The following GPALPP1 variants were observed in gnomAD, a reference collection of about 807,000 sequenced individuals.
GPALPP1 encodes the protein GPALPP motifs-containing protein 1.
GPALPP1 carries 30 observed loss-of-function variants against 38.9 expected under a neutral mutation model. The ratio of observed to expected loss-of-function variants is 0.77; its 90% CI spans 0.58 to 1.05. The LOEUF (loss-of-function observed/expected upper bound fraction) is 1.05. Ranked by LOEUF, GPALPP1 falls within the 50% of genes least tolerant of loss-of-function variation. The pLI is 0.00. For synonymous variants in GPALPP1, 120 were observed against 139.2 expected (o/e 0.86, Z 0.97); for missense variants, 384 against 408.8 (o/e 0.94, Z 0.52).
chr13:45,037,651 CA>C (rs1876430466), exon 8 of GPALPP1: 2 of 152,174 alleles, frequency 1.3e-5, no homozygotes. Flanking sequence ...GACAGTTTAT[CA>C]ATAAAGATTT....
At position 45,004,429 on chromosome 13, in the gene GPALPP1, A is replaced by C. The variant is rs1437980522; in HGVS notation, c.213A>C (p.Pro71=). The C allele has an allele frequency of 6.2e-6, 10 of 1,609,292 alleles. No homozygotes were observed. The Admixed American group carries it at 1.5e-4, about 24-fold the overall frequency. Residue 71 remains proline, a synonymous_variant, in exon 2 of 8, where the codon CCA becomes CCC. Transcript: ENST00000379151. ...NQESEEDDSG[P]TARKQRKNQD... Reference sequence around the variant, plus strand: ...AATCTGAAGAAGATGACAGTGGTCCAACTGCAAGGTCAGTCATTTAATTAA... The same window carrying C: ...AATCTGAAGAAGATGACAGTGGTCCCACTGCAAGGTCAGTCATTTAATTAA...
At chr13:45,010,461 G>A (rs979116855) in intron 4 of GPALPP1, among the ~76,000 whole-genome samples, 17 of 151,872 alleles carry the variant, frequency 1.1e-4, no homozygotes, top group African/African-American at 4.1e-4. Context: ...CTAGAATGTG[G>A]CTCCATAATA....
intron 1 of GPALPP1, chr13:44,989,970 C>G (rs1370383478): frequency 5.1e-6 from 3 of 589,226 alleles, no homozygotes; most frequent in East Asian, 5.6e-5. Context: ...ATAATACATT[C>G]TCATTTAGCC....
At chr13:45,011,106 G>T (rs1566078336) in intron 4 of GPALPP1, among the ~76,000 whole-genome samples, 1 of 152,244 alleles carries the variant, frequency 6.6e-6, no homozygotes, top group African/African-American at 2.4e-5. Context: ...AGAGAGAGCA[G>T]ATGGTTTATT....
Position 44,989,677 on chromosome 13 carries a change from C to T in GPALPP1, c.23C>T (p.Pro8Leu), listed in dbSNP as rs755545201. MARDLIGPALPPGFKARG... is the reference protein window; with the variant it reads MARDLIGLALPPGFKARG... Reference sequence around the variant, plus strand: ...CGGATGGCAAGAGACCTGATCGGACCGGCCCTGCCGCCCGGCTTCAAGGCC... The same window carrying T: ...CGGATGGCAAGAGACCTGATCGGACTGGCCCTGCCGCCCGGCTTCAAGGCC... The change falls in exon 1 of 8, where the codon CCG (proline) becomes CTG (leucine). Residue 8 changes from proline (P) to leucine (L), a missense_variant. By Grantham distance (98) the Pro-to-Leu change is moderately conservative (BLOSUM62 -3). Transcript: ENST00000379151. The T allele has an allele frequency of 5.6e-6, 9 of 1,612,534 alleles. No homozygotes were observed. The highest frequency in any genetic ancestry group is 6.8e-6 in the Non-Finnish European group (8 of 1,179,802).
At chr13:45,019,604 CTT>C (rs751928407) in intron 6 of GPALPP1, among the ~76,000 whole-genome samples, 28 of 126,596 alleles carry the variant, frequency 2.2e-4, no homozygotes, top group African/African-American at 6.8e-4. Context: ...CACAATTTTT[CTT>C]TTTTTTTTTT....
At chr13:45,024,899 G>A (rs1875729599) in intron 7 of GPALPP1, among the ~76,000 whole-genome samples, 1 of 152,088 alleles carries the variant, frequency 6.6e-6, no homozygotes, top group Admixed American at 6.6e-5. Flanking sequence ...CCAGCCTGGT[G>A]ACAGAGCAAG....
At chr13:44,997,495 C>T (rs377549350) in intron 1 of GPALPP1, among the ~76,000 whole-genome samples, 125 of 152,116 alleles carry the variant, frequency 8.2e-4, no homozygotes, top group South Asian at 6.8e-3. Flanking sequence ...TCTGCAGTGA[C>T]CTTCACCTCC....
At position 45,015,496 on chromosome 13, in the gene GPALPP1, T is replaced by A; in HGVS notation, c.605T>A (p.Phe202Tyr). Residue 202 changes from phenylalanine (F) to tyrosine (Y), a missense_variant, in exon 6 of 8, where the codon TTT (phenylalanine) becomes TAT (tyrosine). Phe to Tyr is a conservative substitution (Grantham distance 22). Coordinates refer to ENST00000379151, the MANE Select transcript of GPALPP1 (RefSeq NM_018559.5). The stretch of plus-strand genomic sequence containing the variant: ...GAACTTCCTCCAGAAATGAAAGACT[T>A]TGGTCTTGGGCCAAGGACTTTTAAG... ...MTELPPEMKD[F>Y]GLGPRTFKRR... is the part of the protein sequence containing the mutation. 6.2e-7 allele frequency: 1 copy of A among 1,609,894 alleles called. No individual in the cohort carries two copies. The highest frequency in any genetic ancestry group is 8.5e-7 in the Non-Finnish European group (1 of 1,177,638).
At chr13:45,021,260 A>G (rs1226991000) in intron 7 of GPALPP1, among the ~76,000 whole-genome samples, 1 of 152,242 alleles carries the variant, frequency 6.6e-6, no homozygotes, top group Non-Finnish European at 1.5e-5. Flanking sequence ...GTATTAAAGA[A>G]AATTCCATAA....
chr13:45,020,636 G>A (rs190937477), intron 7 of GPALPP1, among the ~76,000 whole-genome samples: 2,488 of 143,938 alleles, frequency 0.017, 35 homozygotes, highest in Non-Finnish European at 0.026. Context: ...CCTGCCTAAT[G>A]TCTCAAAAAA....
At chr13:44,999,628 G>A (rs958050376) in intron 1 of GPALPP1, among the ~76,000 whole-genome samples, 8 of 152,106 alleles carry the variant, frequency 5.3e-5, no homozygotes, top group African/African-American at 1.9e-4. Context: ...TCACCAGACT[G>A]GAGTGCAGTG....
At chr13:45,003,792 G>A (rs1873860388) in intron 1 of GPALPP1, among the ~76,000 whole-genome samples, 1 of 151,812 alleles carries the variant, frequency 6.6e-6, no homozygotes, top group Non-Finnish European at 1.5e-5. Flanking sequence ...AAAACTTAGA[G>A]TGACTCTAAT....
intron 1 of GPALPP1, among the ~76,000 whole-genome samples, chr13:45,001,183 A>T (rs909727221): frequency 6.6e-6 from 1 of 152,136 alleles, no homozygotes; most frequent in African/African-American, 2.4e-5. Flanking sequence ...TGATAGTTTT[A>T]TAAGGGGCTT....
rs902625239 is a variant in GPALPP1 at position 44,991,349 on chromosome 13, A to C, written c.88+1607A>C. 2.6e-5 allele frequency among the ~76,000 whole-genome samples: 4 copies of C among 151,756 alleles called. No homozygotes were observed. The East Asian group carries it at 5.8e-4, about 22-fold the overall frequency. ...GTAGTCCCAGCTACTTGGGAGGCTG[A>C]GGCAGGAGAATTGCTTGAACCTGGG... is the stretch of plus-strand genomic sequence containing the variant. On this transcript the variant is annotated intron_variant, in intron 1 of 7. Transcript: ENST00000379151.
rs1230296031 is a variant in GPALPP1 at position 45,014,980 on chromosome 13, T to C, written c.437T>C (p.Ile146Thr). ...QETDSSEDED[I>T]IGPMPAKGPV... Reference sequence around the variant, plus strand: ...ACAGACAGCAGTGAAGATGAGGATATTATTGGACCAATGCCTGCAAAAGGA... The same window carrying C: ...ACAGACAGCAGTGAAGATGAGGATACTATTGGACCAATGCCTGCAAAAGGA... Residue 146 changes from isoleucine (I) to threonine (T), a missense_variant, in exon 5 of 8, where the codon ATT becomes ACT. Coordinates refer to ENST00000379151, the MANE Select transcript of GPALPP1 (RefSeq NM_018559.5). 1 of 1,607,940 alleles carries C rather than the reference T, an allele frequency of 6.2e-7. No individual in the cohort carries two copies. The highest frequency in any genetic ancestry group is 1.3e-5 in the African/African-American group (1 of 74,732).
At chr13:45,016,344 C>T (rs2137993524) in intron 6 of GPALPP1, among the ~76,000 whole-genome samples, 1 of 152,120 alleles carries the variant, frequency 6.6e-6, no homozygotes, top group African/African-American at 2.4e-5. Flanking sequence ...ATCCCAGCTA[C>T]TTGGAAAGCT....
intron 1 of GPALPP1, 143 bp downstream of exon 1, chr13:44,989,885 C>T (rs915466130): frequency 3.2e-6 from 2 of 625,344 alleles, no homozygotes; most frequent in Admixed American, 2.9e-5. Flanking sequence ...TTTTCTCTTC[C>T]CAAACAGTAG....
intron 1 of GPALPP1, among the ~76,000 whole-genome samples, chr13:45,001,486 C>CT (rs1212461452): frequency 6.6e-6 from 1 of 152,104 alleles, no homozygotes; most frequent in Non-Finnish European, 1.5e-5. Flanking sequence ...ACTCTCAACT[C>CT]TCCCCTCCCA....
Sources: gnomAD v4.1 joint callset for allele counts (sites outside exome capture counted in the v4.1 genomes callset) on GRCh38, gnomAD v4.1.1 for gene constraint, MANE v1.5 for transcripts, NCBI Gene and HGNC (gene_info 2026-07-23, HGNC 2026-07-21) for gene names.